Variants in HCLS1 observed in about 807,000 individuals in gnomAD.
HCLS1 encodes the protein hematopoietic cell-specific Lyn substrate 1, also known as hematopoietic lineage cell-specific protein.
In HCLS1, 44 loss-of-function variants were observed where a neutral mutation model predicts 68.6. That is an observed-to-expected ratio of 0.64 (90% CI 0.50 to 0.82). The LOEUF (loss-of-function observed/expected upper bound fraction) is 0.82, where lower values mean the gene tolerates loss of function less well. Ranked by LOEUF, HCLS1 falls within the 40% of genes least tolerant of loss-of-function variation. HCLS1 has a pLI of 0.00. For missense variants in HCLS1, 602 were observed against 612.1 expected (o/e 0.98, Z 0.17); for synonymous variants, 217 against 225.8 (o/e 0.96, Z 0.35).
At chr3:121,638,799 A>G (rs1217986659) in intron 6 of HCLS1, among the ~76,000 whole-genome samples, 2 of 152,226 alleles carry the variant, frequency 1.3e-5, no homozygotes, top group Admixed American at 1.3e-4. Flanking sequence ...ACATGCTCCA[A>G]TGATAAAAGA....
At chr3:121,637,491 C>T (rs1195769177) in intron 6 of HCLS1, among the ~76,000 whole-genome samples, 2 of 152,078 alleles carry the variant, frequency 1.3e-5, no homozygotes, top group African/African-American at 2.4e-5. Flanking sequence ...AAGAACATTC[C>T]CATTTTCTCC....
intron 7 of HCLS1, among the ~76,000 whole-genome samples, chr3:121,636,836 T>C (rs2049155049): frequency 6.6e-6 from 1 of 152,014 alleles, no homozygotes; most frequent in Non-Finnish European, 1.5e-5. Flanking sequence ...ACAGCAGAGA[T>C]CCCTCTAAGA....
intron 3 of HCLS1, among the ~76,000 whole-genome samples, chr3:121,651,488 G>A (rs941088983): frequency 6.6e-6 from 1 of 152,158 alleles, no homozygotes; most frequent in East Asian, 1.9e-4. Context: ...CCAGGCTGGA[G>A]TGCAGTGGGG....
rs147660624 is a variant in HCLS1, at chr3:121,647,634, A to G, written c.159-186T>C. ...TGGCCTGCATACCATAGCCTGATTTAAACTCTCCATAGGCCAATAATATTT... is the reference window on the plus strand; with the variant it reads ...TGGCCTGCATACCATAGCCTGATTTGAACTCTCCATAGGCCAATAATATTT... On this transcript the variant is annotated intron_variant, in intron 3 of 13. Coordinates refer to ENST00000314583, the MANE Select transcript of HCLS1 (RefSeq NM_005335.6). Among the ~76,000 whole-genome samples the G allele has an allele frequency of 4.4e-3, 668 of 152,334 alleles. 3 individuals carry two copies. The highest frequency in any genetic ancestry group is 9.5e-3 in the African/African-American group (396 of 41,576).
At chr3:121,634,524 G>A in intron 9 of HCLS1, 106 bp from the exon 10 acceptor site, 1 of 1,029,908 alleles carries the variant, frequency 9.7e-7, no homozygotes. Flanking sequence ...CGGGAGGAGG[G>A]ATTTGTGGGA....
rs1047835419 is a variant in HCLS1 at position 121,652,960 on chromosome 3, C to T, written c.158+4319G>A. Among the ~76,000 whole-genome samples, 11 of 152,200 alleles carry T rather than the reference C, an allele frequency of 7.2e-5. No homozygotes were observed. The South Asian group carries it at 1.2e-3, about 17-fold the overall frequency. ...TTCAGCCCATGGAGTCAGACTGAGC[C>T]GAATTCAAATTACTACAGGTTGACT... is the stretch of plus-strand genomic sequence containing the variant. On this transcript the variant is annotated intron_variant, in intron 3 of 13. Transcript: ENST00000314583.
chr3:121,637,131 C>T lies in HCLS1; in HGVS notation c.565+15G>A. 1 of 1,571,282 alleles carries T rather than the reference C, an allele frequency of 6.4e-7. No homozygotes were observed. The highest frequency in any genetic ancestry group is 8.8e-7 in the Non-Finnish European group (1 of 1,141,026). Reference sequence around the variant, plus strand: ...TGTGCTATCTGTGACCTTCCCCCTTCCAACCCCAACTCACCTCTCTGGGAC... The same window carrying T: ...TGTGCTATCTGTGACCTTCCCCCTTTCAACCCCAACTCACCTCTCTGGGAC... On this transcript the variant is annotated intron_variant, in intron 7 of 13. Coordinates refer to ENST00000314583, the MANE Select transcript of HCLS1 (RefSeq NM_005335.6).
intron 4 of HCLS1, among the ~76,000 whole-genome samples, chr3:121,645,992 T>C (rs943893207): frequency 7.4e-6 from 1 of 134,536 alleles, no homozygotes; most frequent in Non-Finnish European, 1.5e-5. Context: ...ATTAATAATA[T>C]ATATTTATAA....
chr3:121,655,020 A>G (rs1383634253), intron 3 of HCLS1, among the ~76,000 whole-genome samples: 1 of 152,226 alleles, frequency 6.6e-6, no homozygotes, highest in Non-Finnish European at 1.5e-5. Flanking sequence ...GCCTGTTACC[A>G]GCAGATACCA....
In HCLS1 at chr3:121,658,246, A is replaced by T. The variant is rs781652918; in HGVS notation, c.84+18T>A. 3.1e-6 allele frequency: 5 copies of T among 1,603,680 alleles called. No individual in the cohort carries two copies. In the Admixed American group the frequency reaches 8.3e-5, roughly 27 times the overall value. On this transcript the variant is annotated intron_variant, in intron 2 of 13. Transcript: ENST00000314583. ...CCCACCCTCTGCACTGTCCAAGCAA[A>T]GCTACTTCCAAACTCACCACAAAGT...
chr3:121,659,389 T>C (rs1375715056), intron 1 of HCLS1, among the ~76,000 whole-genome samples: 4 of 152,174 alleles, frequency 2.6e-5, no homozygotes, highest in Admixed American at 6.5e-5. Context: ...CTGGCAATCC[T>C]TCCCTCCTCA....
Position 121,639,477 on chromosome 3 carries a change from A to G in HCLS1, c.455-2221T>C, listed in dbSNP as rs199653719. 4.6e-5 allele frequency among the ~76,000 whole-genome samples: 7 copies of G among 152,314 alleles called. No homozygotes were observed. The East Asian group carries it at 1.4e-3, about 29-fold the overall frequency. ...AGCTTTTAAATAATACATGTGTCAAAGAAGAAATTACAAGGGAAATAAGAA... is the reference window on the plus strand; with the variant it reads ...AGCTTTTAAATAATACATGTGTCAAGGAAGAAATTACAAGGGAAATAAGAA... On this transcript the variant is annotated intron_variant, in intron 6 of 13. Coordinates refer to ENST00000314583, the MANE Select transcript of HCLS1 (RefSeq NM_005335.6).
chr3:121,645,765 C>T (rs532675527), intron 4 of HCLS1, among the ~76,000 whole-genome samples: 1 of 150,734 alleles, frequency 6.6e-6, no homozygotes, highest in East Asian at 1.9e-4. Context: ...ACTCATGAAC[C>T]AATGAATGAG....
At chr3:121,658,836 C>A (rs1242125451) in intron 1 of HCLS1, among the ~76,000 whole-genome samples, 1 of 152,192 alleles carries the variant, frequency 6.6e-6, no homozygotes, top group Non-Finnish European at 1.5e-5. Context: ...CTCTTTACAA[C>A]CTGCTGAACT....
Position 121,632,559 on chromosome 3 carries a change from T to G in HCLS1, c.1013A>C (p.Asn338Thr). Residue 338 changes from asparagine to threonine, a missense_variant, in exon 12 of 14, where the codon AAT (asparagine) becomes ACT (threonine). Coordinates refer to ENST00000314583, the MANE Select transcript of HCLS1 (RefSeq NM_005335.6). ...LPIRQTLPEDNEEPPALPPRT... is the reference protein window; with the variant it reads ...LPIRQTLPEDTEEPPALPPRT... Reference sequence around the variant, plus strand: ...AGGGGGCAGAGCTGGGGGCTCCTCATTGTCCTGAGAAGAGACAGTGTGGAG... The same window carrying G: ...AGGGGGCAGAGCTGGGGGCTCCTCAGTGTCCTGAGAAGAGACAGTGTGGAG... The G allele has an allele frequency of 6.2e-7, 1 of 1,611,612 alleles. No homozygotes were observed. The highest frequency in any genetic ancestry group is 8.5e-7 in the Non-Finnish European group (1 of 1,179,740).
At chr3:121,656,844 A>T (rs531430680) in intron 3 of HCLS1, 1 of 154,576 alleles carries the variant, frequency 6.5e-6, no homozygotes, top group South Asian at 2.0e-4. Flanking sequence ...TTCTTAGTTC[A>T]TCTGAAGGAA....
At chr3:121,640,461 A>G (rs746545796) in intron 6 of HCLS1, among the ~76,000 whole-genome samples, 2 of 152,180 alleles carry the variant, frequency 1.3e-5, no homozygotes, top group African/African-American at 4.8e-5. Context: ...ATTAGTCAGA[A>G]GAAATGGCAC....
chr3:121,652,220 G>A (rs1040045987), intron 3 of HCLS1, among the ~76,000 whole-genome samples: 1 of 152,128 alleles, frequency 6.6e-6, no homozygotes, highest in Non-Finnish European at 1.5e-5. Flanking sequence ...TCAGTATGGG[G>A]TGTATTGACT....
intron 6 of HCLS1, 22 bp downstream of exon 6, chr3:121,642,905 G>A (rs764896607): frequency 3.9e-5 from 62 of 1,598,136 alleles, no homozygotes; most frequent in Non-Finnish European, 5.2e-5. Context: ...TGCTGAGGCT[G>A]AGTGAAGTAC....
Sources: allele counts gnomAD v4.1 joint callset (sites outside exome capture counted in the v4.1 genomes callset), GRCh38; gene constraint gnomAD v4.1.1; transcripts MANE v1.5; gene names NCBI Gene and HGNC (gene_info 2026-07-23, HGNC 2026-07-21).